FILIP1L: variants seen among roughly 807,000 people sequenced by gnomAD.
FILIP1L encodes the protein filamin A interacting protein 1 like.
A neutral mutation model predicts 96.6 loss-of-function variants in FILIP1L; 55 were observed. The ratio of observed to expected loss-of-function variants is 0.57; its 90% CI spans 0.46 to 0.71. The LOEUF (loss-of-function observed/expected upper bound fraction) is 0.71. Ranked by LOEUF, FILIP1L falls within the 30% of genes least tolerant of loss-of-function variation. The probability of loss-of-function intolerance (pLI) is 0.00; values close to 1 mark genes in which losing one functional copy is unlikely to be tolerated. For missense variants in FILIP1L, 1,304 were observed against 1,321.2 expected (o/e 0.99, Z 0.20); for synonymous variants, 467 against 473.9 (o/e 0.99, Z 0.19).
intron 1 of FILIP1L, among the ~76,000 whole-genome samples, chr3:100,067,839 G>C (rs1252512462): frequency 6.6e-6 from 1 of 151,908 alleles, no homozygotes; most frequent in East Asian, 1.9e-4. Context: ...CCACCCAGGA[G>C]GACTCTGGGT....
At chr3:99,871,571 C>T (rs1944787343) in intron 4 of FILIP1L, among the ~76,000 whole-genome samples, 1 of 152,160 alleles carries the variant, frequency 6.6e-6, no homozygotes, top group East Asian at 1.9e-4. Flanking sequence ...TAAGTACCAC[C>T]AGGAGCTTGT....
At chr3:100,111,955 A>C (rs958557840) in intron 1 of FILIP1L, among the ~76,000 whole-genome samples, 2 of 152,212 alleles carry the variant, frequency 1.3e-5, no homozygotes, top group Non-Finnish European at 2.9e-5. Context: ...CTCTCTGTGC[A>C]GATTCCTACA....
At position 100,106,197 on chromosome 3, in the gene FILIP1L, G is replaced by A. The variant is rs541470141; in HGVS notation, c.-11+7856C>T. Among the ~76,000 whole-genome samples, 33 of 152,250 alleles carry A rather than the reference G, an allele frequency of 2.2e-4. 1 individual carries two copies. In the South Asian group the frequency reaches 5.6e-3, roughly 26 times the overall value. On this transcript the variant is annotated intron_variant, in intron 1 of 5. Transcript: ENST00000477258. ...GAGGTTGACTTATCAAAAGGATGCAGCAACAAGTCAGTACAGCCAGGATAC... is the reference window on the plus strand; with the variant it reads ...GAGGTTGACTTATCAAAAGGATGCAACAACAAGTCAGTACAGCCAGGATAC...
intron 4 of FILIP1L, among the ~76,000 whole-genome samples, chr3:99,858,335 C>T (rs914375117): frequency 2.0e-5 from 3 of 151,910 alleles, no homozygotes; most frequent in Non-Finnish European, 4.4e-5. Context: ...CATGGTGGCA[C>T]GTGCCTGTGG....
intron 1 of FILIP1L, among the ~76,000 whole-genome samples, chr3:99,959,646 C>A (rs13059754): frequency 0.55 from 83,735 of 151,852 alleles, 23,615 homozygotes; most frequent in East Asian, 0.71. Context: ...AATGCTATAG[C>A]CTTTTAGAGA....
intron 4 of FILIP1L, among the ~76,000 whole-genome samples, chr3:99,857,530 A>G (rs547755991): frequency 6.6e-6 from 1 of 152,366 alleles, no homozygotes; most frequent in African/African-American, 2.4e-5. Context: ...ATGTTTGTTT[A>G]TTACATAAGC....
intron 1 of FILIP1L, among the ~76,000 whole-genome samples, chr3:100,011,103 A>T (rs1710143039): frequency 6.6e-6 from 1 of 152,132 alleles, no homozygotes; most frequent in Non-Finnish European, 1.5e-5. Flanking sequence ...GAAGCTTCTG[A>T]TATTAAGCAC....
intron 1 of FILIP1L, among the ~76,000 whole-genome samples, chr3:99,955,888 A>G (rs1490494501): frequency 6.6e-6 from 1 of 152,102 alleles, no homozygotes; most frequent in Admixed American, 6.5e-5. Context: ...AATTAAACGC[A>G]TCTTCTCTGT....
intron 4 of FILIP1L, among the ~76,000 whole-genome samples, chr3:99,882,738 T>C (rs925871348): frequency 6.6e-6 from 1 of 152,210 alleles, no homozygotes; most frequent in Non-Finnish European, 1.5e-5. Flanking sequence ...GTGTGATTAG[T>C]ATCTGAAATC....
chr3:99,930,879 G>A lies in FILIP1L; in HGVS notation c.142C>T (p.Leu48Phe). 6.2e-7 allele frequency: 1 copy of A among 1,613,220 alleles called. No homozygotes were observed. Among genetic ancestry groups the A allele is most frequent in the Non-Finnish European group, 8.5e-7 (1 of 1,179,824 alleles). Residue 48 changes from leucine (L) to phenylalanine (F), a missense_variant, in exon 2 of 6, where the codon CTT becomes TTT. Coordinates refer to ENST00000477258, the MANE Select transcript of FILIP1L (RefSeq NM_001387850.1). ...KDSPSESDVI[L>F]PCPKAEKPHS... ...GGCTTCTCTGCCTTGGGACACGGAA[G>A]TATTACATCCGACTCACTGGGGGAG...
At chr3:100,083,872 C>T (rs541738251) in intron 1 of FILIP1L, among the ~76,000 whole-genome samples, 5 of 152,190 alleles carry the variant, frequency 3.3e-5, no homozygotes, top group Admixed American at 1.3e-4. Flanking sequence ...CGGTGCCTGG[C>T]GTGATTCTTG....
chr3:99,875,240 T>C (rs1016961318), intron 4 of FILIP1L, among the ~76,000 whole-genome samples: 1 of 152,214 alleles, frequency 6.6e-6, no homozygotes, highest in Non-Finnish European at 1.5e-5. Context: ...TGTTCAGTTA[T>C]CATACTGTAA....
intron 4 of FILIP1L, among the ~76,000 whole-genome samples, chr3:99,920,403 C>G (rs1196977907): frequency 6.6e-6 from 1 of 152,136 alleles, no homozygotes; most frequent in Non-Finnish European, 1.5e-5. Flanking sequence ...TACTGTGAAG[C>G]CACACAGAAA....
chr3:100,044,126 A>C (rs1027327878), intron 1 of FILIP1L, among the ~76,000 whole-genome samples: 2 of 152,214 alleles, frequency 1.3e-5, no homozygotes, highest in Non-Finnish European at 2.9e-5. Flanking sequence ...CTTTAGAACA[A>C]GACACATTGA....
chr3:99,964,632 T>C (rs1708593204), intron 1 of FILIP1L, among the ~76,000 whole-genome samples: 2 of 151,990 alleles, frequency 1.3e-5, no homozygotes, highest in South Asian at 4.2e-4. Flanking sequence ...CAAAAGGAAA[T>C]GTGTTTCCTA....
At chr3:100,057,474 ACT>A in intron 1 of FILIP1L, among the ~76,000 whole-genome samples, 1 of 152,280 alleles carries the variant, frequency 6.6e-6, no homozygotes, top group South Asian at 2.1e-4. Context: ...GTTTCTCCAA[ACT>A]CTGAAACATT....
chr3:99,887,913 T>C (rs1033328575), intron 4 of FILIP1L, among the ~76,000 whole-genome samples: 1 of 152,004 alleles, frequency 6.6e-6, no homozygotes, highest in Admixed American at 6.6e-5. Context: ...GGCTAATTTT[T>C]TTTTTCCATA....
At chr3:100,059,397 A>G (rs2065520747) in intron 1 of FILIP1L, among the ~76,000 whole-genome samples, 1 of 152,202 alleles carries the variant, frequency 6.6e-6, no homozygotes, top group Non-Finnish European at 1.5e-5. Flanking sequence ...TTTTAGCCTC[A>G]TCTCCGTGAT....
intron 3 of FILIP1L, among the ~76,000 whole-genome samples, chr3:99,929,117 A>T (rs1320194336): frequency 6.6e-6 from 1 of 152,244 alleles, no homozygotes; most frequent in African/African-American, 2.4e-5. Context: ...AAAATGAAAA[A>T]TTATGAAATT....
Sources: allele counts gnomAD v4.1 joint callset (sites outside exome capture counted in the v4.1 genomes callset), GRCh38; gene constraint gnomAD v4.1.1; transcripts MANE v1.5; gene names NCBI Gene and HGNC (gene_info 2026-07-23, HGNC 2026-07-21).